The following PCDHGB1 variants were observed in gnomAD, a reference collection of about 807,000 sequenced individuals.
PCDHGB1 encodes protocadherin gamma-B1.
Under a neutral mutation model 56.6 loss-of-function variants are expected in PCDHGB1, and 34 were observed. The observed-to-expected ratio is 0.60, with a 90% confidence interval of 0.46 to 0.80. The LOEUF (loss-of-function observed/expected upper bound fraction) is 0.80. Ranked by LOEUF, PCDHGB1 falls within the 30% of genes least tolerant of loss-of-function variation. The pLI is 0.00. For missense variants in PCDHGB1, 1,278 were observed against 1,204.6 expected (o/e 1.06, Z -0.90); for synonymous variants, 561 against 505.9 (o/e 1.11, Z -1.46).
At chr5:141,464,279 C>CAA (rs373828487) in intron 1 of PCDHGB1, among the ~76,000 whole-genome samples, 8,568 of 137,664 alleles carry the variant, frequency 0.062, 499 homozygotes, top group African/African-American at 0.16. Context: ...AAAAAAAAAG[C>CAA]AAAAAAAAAA....
intron 1 of PCDHGB1, chr5:141,421,745 T>C: frequency 6.2e-7 from 1 of 1,613,950 alleles, no homozygotes; most frequent in Non-Finnish European, 8.5e-7. Flanking sequence ...AGCTACCAGC[T>C]CAGCCCTAAT....
At chr5:141,371,409 G>T in intron 1 of PCDHGB1, 2 of 1,614,022 alleles carry the variant, frequency 1.2e-6, no homozygotes, top group Non-Finnish European at 1.7e-6. Flanking sequence ...AGATATTTCA[G>T]ATGAAAATGA....
chr5:141,431,002 C>A lies in PCDHGB1; in HGVS notation c.2410-63805C>A, dbSNP rs1055964066. The A allele has an allele frequency of 6.2e-7, 1 of 1,613,836 alleles. No individual in the cohort carries two copies. Among genetic ancestry groups the A allele is most frequent in the Admixed American group, 1.7e-5 (1 of 59,990 alleles). The stretch of plus-strand genomic sequence containing the variant: ...AGCTTTTCGCCCTGAATCCGCGCAG[C>A]GGCAGCTTGGTCACGGCGGGCAGGA... On this transcript the variant is annotated intron_variant, in intron 1 of 3. Transcript: ENST00000523390. The surrounding 1 kb of genome is among the most constrained non-coding windows in gnomAD (Gnocchi z 4.8).
chr5:141,353,507 A>C (rs1448404688), intron 1 of PCDHGB1, among the ~76,000 whole-genome samples: 1 of 152,208 alleles, frequency 6.6e-6, no homozygotes, highest in Non-Finnish European at 1.5e-5. Flanking sequence ...CACAAGTAGC[A>C]AATATTGTCC....
intron 1 of PCDHGB1, among the ~76,000 whole-genome samples, chr5:141,483,466 A>C (rs1212605130): frequency 6.6e-6 from 1 of 152,188 alleles, no homozygotes. Context: ...GTTGATTGAC[A>C]TGATATAGGA....
rs759899934 is a variant in PCDHGB1, at chr5:141,421,255, C to G, written c.2409+68586C>G. The stretch of plus-strand genomic sequence containing the variant: ...GGCGAATCGGCTACAGCGCGGGGAC[C>G]GCAGTCGGCTGCTGCTGCTGCTGTG... On this transcript the variant is annotated intron_variant, in intron 1 of 3. Coordinates refer to ENST00000523390, the MANE Select transcript of PCDHGB1 (RefSeq NM_018922.3). The G allele has an allele frequency of 6.0e-5, 97 of 1,607,644 alleles. No individual in the cohort carries two copies. Among genetic ancestry groups the G allele is most frequent in the Middle Eastern group, 3.3e-4 (2 of 6,058 alleles).
At position 141,371,244 on chromosome 5, in the gene PCDHGB1, A is replaced by T. The variant is rs1767599935; in HGVS notation, c.2409+18575A>T. ...CGAAATCATCTATGCCTTCATCAATATTGGCAAGGAAGTGAGACAACTGTT... is the reference window on the plus strand; with the variant it reads ...CGAAATCATCTATGCCTTCATCAATTTTGGCAAGGAAGTGAGACAACTGTT... On this transcript the variant is annotated intron_variant, in intron 1 of 3. Transcript: ENST00000523390. 1.9e-6 allele frequency: 3 copies of T among 1,614,038 alleles called. No individual in the cohort carries two copies. Among genetic ancestry groups the T allele is most frequent in the Non-Finnish European group, 2.5e-6 (3 of 1,179,908 alleles).
At chr5:141,446,669 C>T (rs554578186) in intron 1 of PCDHGB1, among the ~76,000 whole-genome samples, 2 of 152,182 alleles carry the variant, frequency 1.3e-5, no homozygotes, top group Admixed American at 1.3e-4. Flanking sequence ...TACAAGACAG[C>T]ATTTCACCAT....
intron 1 of PCDHGB1, among the ~76,000 whole-genome samples, chr5:141,370,068 G>A (rs988277757): frequency 9.9e-5 from 15 of 152,192 alleles, no homozygotes; most frequent in Non-Finnish European, 1.9e-4. Flanking sequence ...TTTTAAAATG[G>A]GAAGAAAGTA....
chr5:141,472,954 C>A (rs2099305799), intron 1 of PCDHGB1, among the ~76,000 whole-genome samples: 1 of 143,370 alleles, frequency 7.0e-6, no homozygotes, highest in Admixed American at 7.3e-5. Flanking sequence ...CCATTGCACT[C>A]CAGCCTGGGG....
intron 1 of PCDHGB1, chr5:141,393,251 G>A: frequency 6.2e-7 from 1 of 1,613,814 alleles, no homozygotes; most frequent in Non-Finnish European, 8.5e-7. Context: ...ACGAAATCGC[G>A]GTTCCTGGAG....
chr5:141,474,654 T>C (rs2099352669), intron 1 of PCDHGB1, among the ~76,000 whole-genome samples: 1 of 152,250 alleles, frequency 6.6e-6, no homozygotes, highest in African/African-American at 2.4e-5. Context: ...CTTACTTCTT[T>C]TCTACCTACC....
At chr5:141,413,020 C>T in intron 1 of PCDHGB1, 1 of 693,768 alleles carries the variant, frequency 1.4e-6, no homozygotes, top group Non-Finnish European at 2.3e-6. Context: ...CTACACAAGC[C>T]CCACAAACCG....
At chr5:141,492,241 C>T (rs1351937353) in intron 1 of PCDHGB1, among the ~76,000 whole-genome samples, 1 of 152,186 alleles carries the variant, frequency 6.6e-6, no homozygotes, top group African/African-American at 2.4e-5. Flanking sequence ...TGCTGGCCAC[C>T]CCCACGGCCC....
chr5:141,444,900 T>C (rs997464788), intron 1 of PCDHGB1, among the ~76,000 whole-genome samples: 1 of 152,182 alleles, frequency 6.6e-6, no homozygotes, highest in Non-Finnish European at 1.5e-5. Context: ...TGGGATGGCA[T>C]TGCATCTATA....
chr5:141,351,755 T>A lies in PCDHGB1; in HGVS notation c.1495T>A (p.Ser499Thr). Residue 499 changes from serine to threonine, a missense_variant, in exon 1 of 4, where the codon TCC (serine) becomes ACC (threonine). Ser to Thr is a moderately conservative substitution (Grantham distance 58). Transcript: ENST00000523390. The part of the protein sequence containing the change: ...ASDLEPRELL[S>T]YVSVSPQSGV... ...TGACCTGGAGCCGCGGGAGCTGTTG[T>A]CCTACGTGTCCGTGAGCCCGCAGAG... The A allele has an allele frequency of 6.2e-7, 1 of 1,613,598 alleles. No homozygotes were observed.
At chr5:141,449,349 G>C (rs191322076) in intron 1 of PCDHGB1, among the ~76,000 whole-genome samples, 2 of 152,074 alleles carry the variant, frequency 1.3e-5, no homozygotes, top group African/African-American at 4.8e-5. Flanking sequence ...GCTCACTCCT[G>C]TAATCCCAGC....
intron 1 of PCDHGB1, among the ~76,000 whole-genome samples, chr5:141,459,544 T>G (rs772982634): frequency 6.6e-6 from 1 of 152,246 alleles, no homozygotes; most frequent in Non-Finnish European, 1.5e-5. Flanking sequence ...TTTTTTTTAT[T>G]TCTCTTGGAT....
In PCDHGB1 at chr5:141,493,233, G is replaced by T. The variant is rs1335823475; in HGVS notation, c.2410-1574G>T. ...TTTGCTCTTCCCACCATTGCTGTTG[G>T]CTAGGTACTAACATGCCTCTCTTAT... is the stretch of plus-strand genomic sequence containing the variant. On this transcript the variant is annotated intron_variant, in intron 1 of 3. Coordinates refer to ENST00000523390, the MANE Select transcript of PCDHGB1 (RefSeq NM_018922.3). This position sits in a 1 kb window ranked among gnomAD's most constrained non-coding sequence, Gnocchi z 4.3. 6.6e-6 allele frequency among the ~76,000 whole-genome samples: 1 copy of T among 152,172 alleles called. No homozygotes were observed. The highest frequency in any genetic ancestry group is 2.1e-4 in the South Asian group (1 of 4,828).
Sources: allele counts gnomAD v4.1 joint callset (sites outside exome capture counted in the v4.1 genomes callset), GRCh38; gene constraint gnomAD v4.1.1; non-coding constraint Gnocchi (gnomAD v3.1); transcripts MANE v1.5; gene names NCBI Gene and HGNC (gene_info 2026-07-23, HGNC 2026-07-21).